The following DOCK3 variants were observed in gnomAD, a reference collection of about 807,000 sequenced individuals.
The protein encoded by DOCK3 is dedicator of cytokinesis protein 3.
In DOCK3, 60 loss-of-function variants were observed where a neutral mutation model predicts 265.6. That is an observed-to-expected ratio of 0.23 (90% confidence interval 0.18 to 0.28). The LOEUF (loss-of-function observed/expected upper bound fraction) is 0.28, where lower values mean the gene tolerates loss of function less well. Ranked by LOEUF, DOCK3 falls within the 10% of genes least tolerant of loss-of-function variation. The probability of loss-of-function intolerance (pLI) is 1.00; values close to 1 mark genes in which losing one functional copy is unlikely to be tolerated. For synonymous variants in DOCK3, 881 were observed against 938.0 expected (o/e 0.94, Z 1.11); for missense variants, 1,981 against 2,594.3 (o/e 0.76, Z 5.14).
intron 1 of DOCK3, chr3:50,685,525 A>T (rs567421211): frequency 6.5e-6 from 1 of 152,690 alleles, no homozygotes; most frequent in African/African-American, 2.4e-5. Flanking sequence ...TTTCTTCCTC[A>T]CTGACATCTA....
chr3:51,325,255 T>C (rs987069234), intron 32 of DOCK3, among the ~76,000 whole-genome samples: 4 of 150,882 alleles, frequency 2.7e-5, no homozygotes, highest in African/African-American at 7.3e-5. Flanking sequence ...GCAAAGAAGA[T>C]GAACAGACAC....
At chr3:50,854,592 G>GTTTTTCTTTTTTTTTTTTT (rs2046496604) in intron 3 of DOCK3, among the ~76,000 whole-genome samples, 1 of 47,214 alleles carries the variant, frequency 2.1e-5, no homozygotes, top group Non-Finnish European at 3.6e-5. Context: ...CATCACACCA[G>GTTTTTCTTTTTTTTTTTTT]TTTTTTTTTT....
At chr3:50,690,292 C>G (rs2035127656) in intron 1 of DOCK3, among the ~76,000 whole-genome samples, 1 of 152,016 alleles carries the variant, frequency 6.6e-6, no homozygotes, top group African/African-American at 2.4e-5. Context: ...GCCACCATGC[C>G]TGGCTGATTT....
At chr3:50,798,201 C>T (rs942154008) in intron 2 of DOCK3, among the ~76,000 whole-genome samples, 1 of 152,096 alleles carries the variant, frequency 6.6e-6, no homozygotes, top group African/African-American at 2.4e-5. Context: ...TGCCAGGCAA[C>T]CAGATCTTGA....
intron 9 of DOCK3, among the ~76,000 whole-genome samples, chr3:51,121,319 C>T (rs898513749): frequency 3.3e-5 from 5 of 152,178 alleles, no homozygotes; most frequent in African/African-American, 1.2e-4. Context: ...CCATGGGCTA[C>T]ACCCACTGTG....
chr3:50,901,117 G>A (rs1259696708), intron 4 of DOCK3: 3 of 236,322 alleles, frequency 1.3e-5, no homozygotes, highest in Non-Finnish European at 2.6e-5. Flanking sequence ...GGAGATGGGA[G>A]TTTGATGTAT....
At chr3:51,205,311 A>G (rs2089124536) in intron 12 of DOCK3, among the ~76,000 whole-genome samples, 1 of 152,212 alleles carries the variant, frequency 6.6e-6, no homozygotes, top group Admixed American at 6.5e-5. Context: ...TAACACGAGG[A>G]TGCTGCTAAA....
intron 1 of DOCK3, among the ~76,000 whole-genome samples, chr3:50,741,742 CGT>C: frequency 6.6e-6 from 1 of 151,786 alleles, no homozygotes; most frequent in Non-Finnish European, 1.5e-5. Context: ...CATACGTGTG[CGT>C]GTGTCTTTAT....
chr3:50,736,327 T>C (rs375423467), intron 1 of DOCK3, among the ~76,000 whole-genome samples: 73 of 152,322 alleles, frequency 4.8e-4, no homozygotes, highest in African/African-American at 1.7e-3. Context: ...TGGTTCCAAG[T>C]CTTTGCTGTT....
At chr3:50,742,904 C>T (rs1306206049) in intron 1 of DOCK3, among the ~76,000 whole-genome samples, 3 of 151,864 alleles carry the variant, frequency 2.0e-5, no homozygotes, top group Non-Finnish European at 4.4e-5. Flanking sequence ...TCAGATTCAC[C>T]AAAGTTGAAA....
intron 27 of DOCK3, among the ~76,000 whole-genome samples, chr3:51,293,000 C>G (rs368189920): frequency 2.0e-5 from 3 of 152,120 alleles, no homozygotes; most frequent in Admixed American, 6.5e-5. Flanking sequence ...GGACAGATAT[C>G]TCATGTTTAT....
At position 50,756,134 on chromosome 3, in the gene DOCK3, G is replaced by T. The variant is rs183132881; in HGVS notation, c.38-22541G>T. On this transcript the variant is annotated intron_variant, in intron 1 of 52. Coordinates refer to ENST00000266037, the MANE Select transcript of DOCK3 (RefSeq NM_004947.5). ...TTACCTTGGGGTGGGCTGTCTGCAT[G>T]TGCAGTGGCCTGCCAGCACTTGGGA... Among the ~76,000 whole-genome samples the T allele has an allele frequency of 3.3e-5, 5 of 152,310 alleles. No individual in the cohort carries two copies. The East Asian group carries it at 9.7e-4, about 29-fold the overall frequency.
intron 4 of DOCK3, among the ~76,000 whole-genome samples, chr3:50,913,976 T>G (rs1394038898): frequency 6.6e-6 from 1 of 152,092 alleles, no homozygotes; most frequent in Non-Finnish European, 1.5e-5. Flanking sequence ...TTGGTGTCCT[T>G]GTGTTGCGGG....
At chr3:50,835,644 T>A (rs1279598976) in intron 2 of DOCK3, among the ~76,000 whole-genome samples, 1 of 152,192 alleles carries the variant, frequency 6.6e-6, no homozygotes, top group African/African-American at 2.4e-5. Context: ...AGTTTTTAGG[T>A]TTCTCTTTAA....
At chr3:51,092,958 G>T (rs776689730) in intron 9 of DOCK3, among the ~76,000 whole-genome samples, 3 of 152,158 alleles carry the variant, frequency 2.0e-5, no homozygotes, top group Non-Finnish European at 2.9e-5. Context: ...TTGCTTGTTT[G>T]TGTTAAGTTT....
At chr3:50,704,761 G>T (rs1022038256) in intron 1 of DOCK3, among the ~76,000 whole-genome samples, 1 of 152,070 alleles carries the variant, frequency 6.6e-6, no homozygotes, top group Non-Finnish European at 1.5e-5. Context: ...GAGTAAGTGG[G>T]ATTACAGGCA....
At position 51,361,911 on chromosome 3, in the gene DOCK3, C is replaced by T. The variant is rs778647173; in HGVS notation, c.5059C>T (p.His1687Tyr). ...GRHSSSSLSS[H>Y]ASSEAGNMVM... Reference sequence around the variant, plus strand: ...CCATTCATCATCCTCTCTCTCCTCACATGCGTCTAGTGAAGCAGGAAACAT... The same window carrying T: ...CCATTCATCATCCTCTCTCTCCTCATATGCGTCTAGTGAAGCAGGAAACAT... Residue 1687 changes from histidine to tyrosine, a missense_variant, in exon 48 of 53, where the codon CAT becomes TAT. This residue lies in a region of DOCK3 where 1,357 missense variants were observed against 1,866.8 expected (regional missense o/e 0.73). Transcript: ENST00000266037. The surrounding 1 kb of genome is among the most constrained non-coding windows in gnomAD (Gnocchi z 4.2). 1.2e-6 allele frequency: 2 copies of T among 1,613,204 alleles called. No homozygotes were observed. Among genetic ancestry groups the T allele is most frequent in the Non-Finnish European group, 1.7e-6 (2 of 1,179,670 alleles).
chr3:51,018,486 T>G (rs999699672), intron 5 of DOCK3, among the ~76,000 whole-genome samples: 1 of 151,154 alleles, frequency 6.6e-6, no homozygotes, highest in Non-Finnish European at 1.5e-5. Flanking sequence ...GAACACCTCA[T>G]TATAAGCTAA....
At chr3:51,184,387 G>GT (rs1278595375) in intron 12 of DOCK3, among the ~76,000 whole-genome samples, 1 of 151,772 alleles carries the variant, frequency 6.6e-6, no homozygotes, top group Non-Finnish European at 1.5e-5. Flanking sequence ...ACTAGAGTAG[G>GT]TAATATACAA....
Sources: gnomAD v4.1 joint callset for allele counts (sites outside exome capture counted in the v4.1 genomes callset) on GRCh38, gnomAD v4.1.1 for gene constraint, gnomAD v4.1.1 regional missense constraint, Gnocchi (gnomAD v3.1) non-coding constraint, MANE v1.5 for transcripts, NCBI Gene and HGNC (gene_info 2026-07-23, HGNC 2026-07-21) for gene names.